THSD7A: variants seen among roughly 807,000 people sequenced by gnomAD.
THSD7A encodes the protein thrombospondin type-1 domain-containing protein 7A.
Under a neutral mutation model 231.3 loss-of-function variants are expected in THSD7A, and 96 were observed. The ratio of observed to expected loss-of-function variants is 0.41; its 90% confidence interval spans 0.35 to 0.49. The LOEUF is 0.49. Among genes scored for constraint, THSD7A ranks in the 20% least tolerant of loss-of-function variants. THSD7A has a pLI of 0.05. For missense variants in THSD7A, 2,290 were observed against 2,070.2 expected, an observed-to-expected ratio of 1.11 and a Z score of -2.06; for synonymous variants, 940 against 743.3, an observed-to-expected ratio of 1.26 and a Z score of -4.30.
intron 1 of THSD7A, among the ~76,000 whole-genome samples, chr7:11,717,091 ATTT>A (rs10544372): frequency 0.57 from 86,205 of 151,078 alleles, 24,738 homozygotes; most frequent in South Asian, 0.73. Context: ...GAAAGCTAAC[ATTT>A]TTTATTAACA....
At chr7:11,824,234 T>C (rs1341618936) in intron 1 of THSD7A, among the ~76,000 whole-genome samples, 1 of 152,076 alleles carries the variant, frequency 6.6e-6, no homozygotes, top group African/African-American at 2.4e-5. Context: ...CAGTCTAATG[T>C]GCCTTTACAT....
intron 1 of THSD7A, among the ~76,000 whole-genome samples, chr7:11,765,907 C>T (rs1783016039): frequency 6.6e-6 from 1 of 152,074 alleles, no homozygotes; most frequent in Non-Finnish European, 1.5e-5. Flanking sequence ...TCTGAATTCC[C>T]ATCTCAAAGA....
chr7:11,394,388 A>C (rs4720982), intron 23 of THSD7A, among the ~76,000 whole-genome samples: 9,666 of 152,240 alleles, frequency 0.063, 741 homozygotes, highest in African/African-American at 0.18. Context: ...AACTGGTACC[A>C]GCCACTGCAA....
chr7:11,747,056 T>G (rs1782331271), intron 1 of THSD7A, among the ~76,000 whole-genome samples: 1 of 151,952 alleles, frequency 6.6e-6, no homozygotes, highest in African/African-American at 2.4e-5. Context: ...CCTCTTTAGC[T>G]TTCTATAATA....
At chr7:11,490,574 G>C (rs1390729452) in intron 6 of THSD7A, among the ~76,000 whole-genome samples, 1 of 151,880 alleles carries the variant, frequency 6.6e-6, no homozygotes, top group Non-Finnish European at 1.5e-5. Flanking sequence ...GTACAGTATG[G>C]GTATAATCAA....
At chr7:11,520,280 C>G (rs1469325364) in intron 6 of THSD7A, 1 of 152,120 alleles carries the variant, frequency 6.6e-6, no homozygotes, top group Non-Finnish European at 1.5e-5. Context: ...AGTTCTTTGT[C>G]TGCAAAATGG....
intron 1 of THSD7A, among the ~76,000 whole-genome samples, chr7:11,796,729 G>T (rs1784137100): frequency 6.6e-6 from 1 of 151,554 alleles, no homozygotes; most frequent in Non-Finnish European, 1.5e-5. Context: ...CTATTAATTT[G>T]TATATTTATC....
chr7:11,588,050 C>T (rs1642859637), intron 4 of THSD7A, among the ~76,000 whole-genome samples: 1 of 152,184 alleles, frequency 6.6e-6, no homozygotes, highest in African/African-American at 2.4e-5. Flanking sequence ...CATGGTTACA[C>T]AGTCATGGAT....
chr7:11,725,917 G>A (rs1321910399), intron 1 of THSD7A, among the ~76,000 whole-genome samples: 1 of 151,910 alleles, frequency 6.6e-6, no homozygotes, highest in African/African-American at 2.4e-5. Flanking sequence ...AAATTTTACA[G>A]TATGCCTCTA....
chr7:11,381,994 C>G (rs149627032), intron 24 of THSD7A, among the ~76,000 whole-genome samples: 1,774 of 152,218 alleles, frequency 0.012, 31 homozygotes, highest in African/African-American at 0.032. Context: ...CACAGTAGGT[C>G]AGCTGCTCAG....
At chr7:11,740,085 G>A (rs1239690512) in intron 1 of THSD7A, among the ~76,000 whole-genome samples, 6 of 151,882 alleles carry the variant, frequency 4.0e-5, no homozygotes, top group African/African-American at 1.4e-4. Flanking sequence ...GATTCAACTT[G>A]GACACATAAC....
At chr7:11,641,255 C>T (rs1782068779) in intron 1 of THSD7A, among the ~76,000 whole-genome samples, 1 of 152,044 alleles carries the variant, frequency 6.6e-6, no homozygotes, top group Non-Finnish European at 1.5e-5. Context: ...AATGGAATAA[C>T]CTGTTACATT....
intron 1 of THSD7A, among the ~76,000 whole-genome samples, chr7:11,823,657 A>G (rs1360590838): frequency 6.6e-6 from 1 of 151,982 alleles, no homozygotes; most frequent in African/African-American, 2.4e-5. Flanking sequence ...GTTTTCCTTG[A>G]AGAGATTATA....
At chr7:11,554,533 TA>T (rs1445823808) in intron 4 of THSD7A, among the ~76,000 whole-genome samples, 1 of 152,130 alleles carries the variant, frequency 6.6e-6, no homozygotes, top group African/African-American at 2.4e-5. Flanking sequence ...TAAATTTTGT[TA>T]AATAGCTTTT....
At chr7:11,433,080 C>T (rs986241993) in intron 13 of THSD7A, among the ~76,000 whole-genome samples, 1 of 151,952 alleles carries the variant, frequency 6.6e-6, no homozygotes, top group Non-Finnish European at 1.5e-5. Context: ...ATGTACTTCT[C>T]ATATATTCAA....
intron 1 of THSD7A, among the ~76,000 whole-genome samples, chr7:11,680,867 T>C (rs1584201573): frequency 2.0e-5 from 3 of 152,170 alleles, no homozygotes; most frequent in South Asian, 2.1e-4. Context: ...ACCTAAAGAA[T>C]TATATATTAT....
intron 4 of THSD7A, among the ~76,000 whole-genome samples, chr7:11,571,687 C>T (rs972946532): frequency 6.6e-6 from 1 of 152,164 alleles, no homozygotes; most frequent in Non-Finnish European, 1.5e-5. Context: ...AGACTATTTT[C>T]ACCAAATGTA....
intron 1 of THSD7A, among the ~76,000 whole-genome samples, chr7:11,803,748 T>G (rs1005453301): frequency 6.6e-6 from 1 of 152,154 alleles, no homozygotes; most frequent in Non-Finnish European, 1.5e-5. Context: ...TAGAATCACC[T>G]GATGAGCTTT....
At position 11,417,501 on chromosome 7, in the gene THSD7A, G is replaced by A; in HGVS notation, c.3486C>T (p.Cys1162=). 6.2e-7 allele frequency: 1 copy of A among 1,613,574 alleles called. No homozygotes were observed. The highest frequency in any genetic ancestry group is 8.5e-7 in the Non-Finnish European group (1 of 1,179,738). ...ATTCAGATATCACACAGTCCTCAGG[G>A]CATGGTAATTTGCACACTCTAGAGC... ...PLGSRVCKLP[C]PEDCVISEWG... The change falls in exon 17 of 28, where the codon TGC becomes TGT. Residue 1162 remains cysteine (C), a synonymous_variant. Transcript: ENST00000423059.
Sources: allele counts gnomAD v4.1 joint callset (sites outside exome capture counted in the v4.1 genomes callset), GRCh38; gene constraint gnomAD v4.1.1; transcripts MANE v1.5; gene names NCBI Gene and HGNC (gene_info 2026-07-23, HGNC 2026-07-21).